LRBA: variants seen among roughly 807,000 people sequenced by gnomAD.
LRBA encodes the protein lipopolysaccharide-responsive and beige-like anchor protein.
Under a neutral mutation model 330.0 loss-of-function variants are expected in LRBA, and 176 were observed. That is an observed-to-expected ratio of 0.53 (90% CI 0.47 to 0.60). The LOEUF (loss-of-function observed/expected upper bound fraction) is 0.60, where lower values mean the gene tolerates loss of function less well. Among genes scored for constraint, LRBA ranks in the 20% least tolerant of loss-of-function variants. LRBA has a pLI of 0.00. For synonymous variants in LRBA, 1,230 were observed against 1,193.0 expected, an observed-to-expected ratio of 1.03 and a Z score of -0.64; for missense variants, 3,259 against 3,444.8, an observed-to-expected ratio of 0.95 and a Z score of 1.35.
intron 40 of LRBA, chr4:150,581,418 A>C (rs941513713): frequency 3.4e-5 from 13 of 381,618 alleles, no homozygotes; most frequent in Admixed American, 6.7e-5. Context: ...GATGACTTTA[A>C]AGGAGGAAAA....
At position 150,433,770 on chromosome 4, in the gene LRBA, TCTTA is replaced by T. The variant is rs555518384; in HGVS notation, c.7041+1815_7041+1818del. 1.9e-3 allele frequency among the ~76,000 whole-genome samples: 291 copies of T among 152,250 alleles called. 1 individual carries two copies. Among genetic ancestry groups the T allele is most frequent in the Middle Eastern group, 3.4e-3 (1 of 290 alleles). ...CAAAATTATTATATCTGTTAACTAT[TCTTA>T]CTTACTTTTATCTAAACATCCAATT... is the stretch of plus-strand genomic sequence containing the variant. On this transcript the variant is annotated intron_variant, in intron 46 of 56. Coordinates refer to ENST00000651943, the MANE Select transcript of LRBA (RefSeq NM_001364905.1).
intron 36 of LRBA, among the ~76,000 whole-genome samples, chr4:150,715,799 T>C (rs1452743653): frequency 1.3e-5 from 2 of 152,194 alleles, no homozygotes; most frequent in Non-Finnish European, 2.9e-5. Flanking sequence ...AGCTAAGTAC[T>C]TTTCATTACA....
chr4:150,273,293 C>T (rs1746366071), intron 56 of LRBA, among the ~76,000 whole-genome samples: 1 of 152,130 alleles, frequency 6.6e-6, no homozygotes, highest in East Asian at 1.9e-4. Flanking sequence ...GCCTGCCTTA[C>T]AAGAGCTCCT....
chr4:150,564,036 T>C (rs1270029138), intron 40 of LRBA, among the ~76,000 whole-genome samples: 3 of 152,132 alleles, frequency 2.0e-5, no homozygotes, highest in African/African-American at 7.2e-5. Context: ...AAAAAAGTAC[T>C]TTAAAGTTCA....
chr4:150,895,177 A>T (rs1043146267), intron 16 of LRBA, among the ~76,000 whole-genome samples: 1 of 151,984 alleles, frequency 6.6e-6, no homozygotes, highest in East Asian at 1.9e-4. Context: ...TATAGGTAAA[A>T]ATCTAACTAA....
intron 37 of LRBA, among the ~76,000 whole-genome samples, chr4:150,677,719 A>G (rs1455968850): frequency 6.6e-6 from 1 of 151,924 alleles, no homozygotes; most frequent in Non-Finnish European, 1.5e-5. Flanking sequence ...TGGGAGGATT[A>G]CTTGAGCCCA....
At chr4:150,549,073 T>C (rs1167193450) in intron 40 of LRBA, among the ~76,000 whole-genome samples, 1 of 152,110 alleles carries the variant, frequency 6.6e-6, no homozygotes, top group Non-Finnish European at 1.5e-5. Context: ...CTTGAATGTA[T>C]TAAATCTATA....
At chr4:150,981,601 G>T (rs1740843854) in intron 2 of LRBA, among the ~76,000 whole-genome samples, 1 of 151,878 alleles carries the variant, frequency 6.6e-6, no homozygotes, top group Non-Finnish European at 1.5e-5. Flanking sequence ...CAGAAGAACA[G>T]AACAGACAAC....
At chr4:150,963,161 A>C (rs1298678) in intron 2 of LRBA, among the ~76,000 whole-genome samples, 21,396 of 146,388 alleles carry the variant, frequency 0.15, 3,895 homozygotes, top group African/African-American at 0.34. Context: ...TCTCCCTCTC[A>C]CTCTGCCTCT....
chr4:150,539,225 C>A (rs886851873), intron 40 of LRBA, among the ~76,000 whole-genome samples: 10 of 152,150 alleles, frequency 6.6e-5, no homozygotes, highest in Admixed American at 5.2e-4. Context: ...CCGCCCGCTG[C>A]GGCCTCCCAA....
rs200281652 is a variant in LRBA at position 150,872,765 on chromosome 4, T to C, written c.2166-10A>G. The C allele has an allele frequency of 8.5e-6, 12 of 1,416,016 alleles. No individual in the cohort carries two copies. Among genetic ancestry groups the C allele is most frequent in the East Asian group, 7.0e-5 (3 of 43,082 alleles). The allele number at this position is 1,416,016 out of a possible 1,614,324, so 87.7% of individuals were successfully genotyped here. A position where few individuals can be genotyped will look rare whatever the true frequency, so the allele number is the denominator to read the frequency against. ...AAGTTTGTAGATAACACTGAATGAA[T>C]AAAAATTTAAAACAAACTATTTTGA... On this transcript the variant is annotated splice_polypyrimidine_tract_variant and intron_variant, in intron 17 of 56. Transcript: ENST00000651943.
intron 34 of LRBA, among the ~76,000 whole-genome samples, chr4:150,776,232 C>T (rs978847983): frequency 6.6e-6 from 1 of 151,704 alleles, no homozygotes; most frequent in East Asian, 2.0e-4. Context: ...CAGGAGAATC[C>T]CTTGAACCCA....
At chr4:150,868,783 T>C (rs901897038) in intron 20 of LRBA, among the ~76,000 whole-genome samples, 26 of 151,664 alleles carry the variant, frequency 1.7e-4, no homozygotes, top group Non-Finnish European at 3.5e-4. Flanking sequence ...ACTAAAAATA[T>C]AAAAATTAGC....
rs189903123 is a variant in LRBA, at chr4:150,745,166, C to A, written c.5646-9800G>T. 2.3e-3 allele frequency among the ~76,000 whole-genome samples: 355 copies of A among 152,276 alleles called. 1 individual carries two copies. Among genetic ancestry groups the A allele is most frequent in the African/African-American group, 8.0e-3 (334 of 41,564 alleles). On this transcript the variant is annotated intron_variant, in intron 35 of 56. Transcript: ENST00000651943. ...GAAAGAAATGCAGTTTGACCAACACCTTTATTGTAGACTTGTAAAACCCTA... is the reference window on the plus strand; with the variant it reads ...GAAAGAAATGCAGTTTGACCAACACATTTATTGTAGACTTGTAAAACCCTA...
chr4:150,939,746 C>T (rs1349173542), intron 2 of LRBA, among the ~76,000 whole-genome samples: 1 of 152,164 alleles, frequency 6.6e-6, no homozygotes, highest in Admixed American at 6.5e-5. Flanking sequence ...TCCTACAACA[C>T]CGTACTCTCC....
chr4:150,282,312 T>TA, intron 55 of LRBA, 138 bp downstream of exon 55: 1 of 718,536 alleles, frequency 1.4e-6, no homozygotes, highest in Non-Finnish European at 2.4e-6. Context: ...GAGTGCTACC[T>TA]AAAGATTTTT....
intron 22 of LRBA, among the ~76,000 whole-genome samples, chr4:150,856,138 T>C (rs1363344533): frequency 1.3e-5 from 2 of 152,328 alleles, no homozygotes; most frequent in African/African-American, 2.4e-5. Flanking sequence ...AAGCACAGCA[T>C]GTCTTTGTGG....
In LRBA at chr4:150,828,383, A is replaced by G. The variant is rs747498022; in HGVS notation, c.4968T>C (p.Asn1656=). The part of the protein sequence containing the change: ...LEVNKSPETK[N]DRGNDLDTKA... ...TAGTGTCCAAGTCATTTCCTCTATC[A>G]TTTTTGGTTTCCGGAGACTTATTGA... The change falls in exon 30 of 57, where the codon AAT becomes AAC. Residue 1656 remains asparagine (N), a synonymous_variant. Transcript: ENST00000651943. The G allele has an allele frequency of 3.7e-6, 6 of 1,613,916 alleles. No homozygotes were observed. Among genetic ancestry groups the G allele is most frequent in the African/African-American group, 1.3e-5 (1 of 74,894 alleles).
intron 40 of LRBA, chr4:150,579,706 C>A (rs1032434512): frequency 6.6e-6 from 3 of 456,510 alleles, no homozygotes; most frequent in Non-Finnish European, 1.3e-5. Flanking sequence ...CGCGAAGGTC[C>A]GCTCGGCCTG....
Sources: allele counts gnomAD v4.1 joint callset (sites outside exome capture counted in the v4.1 genomes callset), GRCh38; gene constraint gnomAD v4.1.1; transcripts MANE v1.5; gene names NCBI Gene and HGNC (gene_info 2026-07-23, HGNC 2026-07-21).